Variants in THNSL1 observed in about 807,000 individuals in gnomAD.
THNSL1 encodes threonine synthase like 1.
In THNSL1, 48 loss-of-function variants were observed where a neutral mutation model predicts 50.4. The observed-to-expected ratio is 0.95, with a 90% CI of 0.76 to 1.21. The LOEUF is 1.21. THNSL1 is among the 50% of genes most tolerant of loss of function. The pLI is 0.00. For synonymous variants in THNSL1, 309 were observed against 306.1 expected (o/e 1.01, Z -0.10); for missense variants, 896 against 871.7 (o/e 1.03, Z -0.35).
the THNSL1 span, among the ~76,000 whole-genome samples, chr10:25,007,961 G>T: frequency 5.2e-4 from 77 of 148,758 alleles, no homozygotes; most frequent in Non-Finnish European, 8.9e-4. Context: ...TCATTTGTGT[G>T]CCTGTGATAT....
At chr10:25,002,581 T>G in the THNSL1 span, among the ~76,000 whole-genome samples, 3 of 152,200 alleles carry the variant, frequency 2.0e-5, no homozygotes, top group South Asian at 6.2e-4. Flanking sequence ...TAACTGTTGT[T>G]TCATATATTT....
rs376754802 is a variant in THNSL1 at position 25,024,678 on chromosome 10, C to G, written c.1455C>G (p.Ser485=). The change falls in exon 3 of 3, where the codon TCC becomes TCG. Residue 485 remains serine (S), a synonymous_variant. Transcript: ENST00000376356. ...RLLPQVVYHA[S]AYLDLVSQGF... ...TTCCGCAGGTAGTTTATCATGCTTC[C>G]GCATATCTTGATCTTGTTAGTCAAG... is the stretch of plus-strand genomic sequence containing the variant. The G allele has an allele frequency of 6.2e-7, 1 of 1,614,074 alleles. No individual in the cohort carries two copies. The highest frequency in any genetic ancestry group is 1.7e-5 in the Admixed American group (1 of 59,998).
the THNSL1 span, among the ~76,000 whole-genome samples, chr10:24,973,938 G>A: frequency 6.6e-6 from 1 of 152,106 alleles, no homozygotes; most frequent in Non-Finnish European, 1.5e-5. Context: ...ATTTTTAGTA[G>A]AGACAGAGTT....
chr10:24,978,053 C>T, the THNSL1 span, among the ~76,000 whole-genome samples: 6 of 152,162 alleles, frequency 3.9e-5, no homozygotes, highest in African/African-American at 1.2e-4. Context: ...AATAAAAAAT[C>T]TACATCTAAA....
the THNSL1 span, among the ~76,000 whole-genome samples, chr10:24,969,537 A>T: frequency 2.0e-5 from 3 of 152,172 alleles, no homozygotes; most frequent in African/African-American, 7.2e-5. Flanking sequence ...AGATTGTAAG[A>T]TATAGTTTTT....
chr10:24,988,008 G>A, the THNSL1 span, among the ~76,000 whole-genome samples: 1 of 151,860 alleles, frequency 6.6e-6, no homozygotes, highest in Non-Finnish European at 1.5e-5. Flanking sequence ...ATCACCTGAG[G>A]CCAGGAGTTT....
the THNSL1 span, among the ~76,000 whole-genome samples, chr10:24,967,921 G>A: frequency 6.6e-6 from 1 of 150,568 alleles, no homozygotes; most frequent in Non-Finnish European, 1.5e-5. Flanking sequence ...GTATACGTGT[G>A]TATGATGTGT....
At chr10:24,987,079 A>G in the THNSL1 span, among the ~76,000 whole-genome samples, 1 of 152,194 alleles carries the variant, frequency 6.6e-6, no homozygotes. Flanking sequence ...GTTCAGCCAC[A>G]GAAGGCCCTG....
the THNSL1 span, among the ~76,000 whole-genome samples, chr10:24,970,095 C>T: frequency 5.7e-4 from 87 of 152,304 alleles, 3 homozygotes; most frequent in East Asian, 0.017. Flanking sequence ...ATTCTGAAAT[C>T]ACGTGAAGAG....
chr10:25,024,493 CAG>C lies in THNSL1; in HGVS notation c.1276_1277del (p.Glu426LysfsTer8). 6.2e-7 allele frequency: 1 copy of C among 1,614,148 alleles called. No individual in the cohort carries two copies. Among genetic ancestry groups the C allele is most frequent in the Non-Finnish European group, 8.5e-7 (1 of 1,180,032 alleles). On this transcript the variant is annotated frameshift_variant, in exon 3 of 3. Coordinates refer to ENST00000376356, the MANE Select transcript of THNSL1 (RefSeq NM_024838.5). LOFTEE classifies it high-confidence loss of function. Reference protein sequence around the residue: ...DFQKAQIIGSQRENGWAVGVE... With the variant: ...DFQKAQIIGSXRENGWAVGVE... ...TCAAAAAGCACAAATAATTGGCAGT[CAG>C]AGAGAAAATGGATGGGCAGTGGGTG...
the THNSL1 span, among the ~76,000 whole-genome samples, chr10:24,956,463 TTA>T: frequency 4.0e-4 from 58 of 143,676 alleles, no homozygotes; most frequent in Middle Eastern, 3.4e-3. Context: ...TGCATTTTAT[TTA>T]TTTTTTTTTT....
Position 25,024,109 on chromosome 10 carries a change from T to C in THNSL1, c.886T>C (p.Leu296=), listed in dbSNP as rs1402845373. 1.9e-6 allele frequency: 3 copies of C among 1,614,032 alleles called. No individual in the cohort carries two copies. Among genetic ancestry groups the C allele is most frequent in the Admixed American group, 3.3e-5 (2 of 60,004 alleles). ...CTACGTAGAAAGAGCACAGATACTG[T>C]TGGAAAGATGTATCCATCCTGCAGA... ...ATYVERAQIL[L]ERCIHPADIP... is the part of the protein sequence containing the mutation. The change falls in exon 3 of 3, where the codon TTG becomes CTG. Residue 296 remains leucine (L), a synonymous_variant. Coordinates refer to ENST00000376356, the MANE Select transcript of THNSL1 (RefSeq NM_024838.5).
chr10:25,009,395 A>G, the THNSL1 span, among the ~76,000 whole-genome samples: 1 of 152,244 alleles, frequency 6.6e-6, no homozygotes, highest in African/African-American at 2.4e-5. Flanking sequence ...GTCACCACAA[A>G]TGAAAATCAA....
upstream of THNSL1, among the ~76,000 whole-genome samples, chr10:25,014,031 A>T (rs1850509980): frequency 6.6e-6 from 1 of 152,232 alleles, no homozygotes; most frequent in African/African-American, 2.4e-5. Flanking sequence ...TCAAATTTTG[A>T]AAACTGAATC....
the THNSL1 span, chr10:24,990,317 C>T: frequency 3.1e-6 from 3 of 977,844 alleles, no homozygotes; most frequent in Middle Eastern, 6.7e-4. Context: ...GTCAGCTTTG[C>T]TGTATGTAGT....
At chr10:24,980,899 TACA>T in the THNSL1 span, among the ~76,000 whole-genome samples, 2,977 of 117,588 alleles carry the variant, frequency 0.025, 113 homozygotes, top group African/African-American at 0.1. Flanking sequence ...GTATTTTTAG[TACA>T]GTGAAACAGT....
chr10:24,995,359 A>C, the THNSL1 span, among the ~76,000 whole-genome samples: 1 of 152,212 alleles, frequency 6.6e-6, no homozygotes, highest in African/African-American at 2.4e-5. Context: ...CTAACCAAAA[A>C]TATCTTTCAG....
At chr10:24,990,536 C>A in the THNSL1 span, 2 of 1,614,046 alleles carry the variant, frequency 1.2e-6, no homozygotes, top group Non-Finnish European at 1.7e-6. Flanking sequence ...CTGGATATAA[C>A]GATCATAGTC....
At chr10:25,003,473 C>A in the THNSL1 span, among the ~76,000 whole-genome samples, 2 of 152,218 alleles carry the variant, frequency 1.3e-5, no homozygotes, top group Admixed American at 6.5e-5. Context: ...TTCCAAAGTG[C>A]TGGGATAACA....
Sources: allele counts gnomAD v4.1 joint callset (sites outside exome capture counted in the v4.1 genomes callset), GRCh38; gene constraint gnomAD v4.1.1; transcripts MANE v1.5; gene names NCBI Gene and HGNC (gene_info 2026-07-23, HGNC 2026-07-21).